The following TMEM132D variants were observed in gnomAD, a reference collection of about 807,000 sequenced individuals.
TMEM132D encodes mature OL transmembrane protein.
A neutral mutation model predicts 62.3 loss-of-function variants in TMEM132D; 21 were observed. The ratio of observed to expected loss-of-function variants is 0.34; its 90% CI spans 0.24 to 0.49. TMEM132D has a LOEUF of 0.49. TMEM132D is among the 20% of genes least tolerant of loss of function. TMEM132D has a pLI of 0.99. For missense variants in TMEM132D, 1,346 were observed against 1,402.8 expected (o/e 0.96, Z 0.65); for synonymous variants, 621 against 575.6 (o/e 1.08, Z -1.13).
At chr12:129,883,021 G>C (rs1874647862) in intron 1 of TMEM132D, among the ~76,000 whole-genome samples, 3 of 152,210 alleles carry the variant, frequency 2.0e-5, no homozygotes, top group African/African-American at 7.2e-5. Context: ...TGGGGACCCT[G>C]GCCAGTGCAA....
chr12:129,307,942 C>G (rs905921733), intron 4 of TMEM132D, among the ~76,000 whole-genome samples: 1 of 152,216 alleles, frequency 6.6e-6, no homozygotes, highest in African/African-American at 2.4e-5. Context: ...AGTCTAGACA[C>G]CATCTCCAAA....
At chr12:129,702,667 G>T (rs1881412194) in intron 1 of TMEM132D, among the ~76,000 whole-genome samples, 1 of 152,160 alleles carries the variant, frequency 6.6e-6, no homozygotes, top group Admixed American at 6.5e-5. Flanking sequence ...GTTATGCTTT[G>T]CTGTGATTCT....
intron 3 of TMEM132D, among the ~76,000 whole-genome samples, chr12:129,381,135 T>C (rs892199699): frequency 6.6e-6 from 1 of 152,212 alleles, no homozygotes; most frequent in African/African-American, 2.4e-5. Flanking sequence ...AGGATAGGGA[T>C]AAAAATCCAG....
In TMEM132D at chr12:129,726,254, C is replaced by T. The variant is rs543312843; in HGVS notation, c.80-25556G>A. On this transcript the variant is annotated intron_variant, in intron 1 of 8. Transcript: ENST00000422113. ...CTGTAATAAATCACAGCCATGAGTACGGCCCCAGGAGTCCTTCCAATGAAT... is the reference window on the plus strand; with the variant it reads ...CTGTAATAAATCACAGCCATGAGTATGGCCCCAGGAGTCCTTCCAATGAAT... Among the ~76,000 whole-genome samples the T allele has an allele frequency of 4.3e-4, 65 of 152,286 alleles. 1 individual carries two copies. Among genetic ancestry groups the T allele is most frequent in the Non-Finnish European group, 4.3e-4 (29 of 68,028 alleles).
At chr12:129,582,148 C>T (rs1372267787) in intron 2 of TMEM132D, among the ~76,000 whole-genome samples, 5 of 152,360 alleles carry the variant, frequency 3.3e-5, no homozygotes, top group Admixed American at 2.6e-4. Context: ...CAATGACTTA[C>T]ACATCACAGT....
chr12:129,517,823 G>A (rs1875727623), intron 3 of TMEM132D, among the ~76,000 whole-genome samples: 1 of 152,136 alleles, frequency 6.6e-6, no homozygotes, highest in South Asian at 2.1e-4. Flanking sequence ...AAGGAACAAG[G>A]AGAAATTATG....
intron 5 of TMEM132D, among the ~76,000 whole-genome samples, chr12:129,124,074 C>T (rs1170644237): frequency 6.6e-6 from 1 of 152,174 alleles, no homozygotes; most frequent in Non-Finnish European, 1.5e-5. Context: ...TTCTGCTTCT[C>T]TGGAGAACCC....
At position 129,847,580 on chromosome 12, in the gene TMEM132D, G is replaced by A. The variant is rs144753857; in HGVS notation, c.79+55681C>T. ...AGGCATCAGCTCAAAAGGCATTTCC[G>A]AATATTAGGAACACTGACTGCATTT... On this transcript the variant is annotated intron_variant, in intron 1 of 8. Transcript: ENST00000422113. Among the ~76,000 whole-genome samples, 668 of 152,190 alleles carry A rather than the reference G, an allele frequency of 4.4e-3. 6 individuals are homozygous for A. The highest frequency in any genetic ancestry group is 0.016 in the African/African-American group (646 of 41,510).
At chr12:129,467,701 ACT>A (rs1566079314) in intron 3 of TMEM132D, among the ~76,000 whole-genome samples, 1 of 152,066 alleles carries the variant, frequency 6.6e-6, no homozygotes, top group African/African-American at 2.4e-5. Context: ...ATGTGGGGAC[ACT>A]CTGTGTGGGA....
At chr12:129,542,643 C>T (rs1876614068) in intron 2 of TMEM132D, among the ~76,000 whole-genome samples, 1 of 152,028 alleles carries the variant, frequency 6.6e-6, no homozygotes, top group African/African-American at 2.4e-5. Context: ...AATATATGTA[C>T]ACCAATGACA....
intron 5 of TMEM132D, among the ~76,000 whole-genome samples, chr12:129,175,140 G>T (rs1404959917): frequency 1.3e-5 from 2 of 152,148 alleles, no homozygotes; most frequent in Non-Finnish European, 2.9e-5. Flanking sequence ...TTGTCATGAA[G>T]TCTTTGTCCA....
At chr12:129,301,654 T>C (rs1593329125) in intron 4 of TMEM132D, among the ~76,000 whole-genome samples, 1 of 152,196 alleles carries the variant, frequency 6.6e-6, no homozygotes. Flanking sequence ...CTAACATTTA[T>C]TGAGTACCCA....
intron 5 of TMEM132D, among the ~76,000 whole-genome samples, chr12:129,153,199 T>C (rs562762464): frequency 1.3e-5 from 2 of 151,398 alleles, no homozygotes; most frequent in South Asian, 4.3e-4. Context: ...TCCACACACC[T>C]ATTTTGTGTG....
chr12:129,592,900 T>C (rs1265160955), intron 2 of TMEM132D, among the ~76,000 whole-genome samples: 1 of 152,164 alleles, frequency 6.6e-6, no homozygotes, highest in Non-Finnish European at 1.5e-5. Flanking sequence ...AAAACCTCTG[T>C]AGTTTGTAAT....
At chr12:129,665,575 A>G (rs1409099916) in intron 2 of TMEM132D, among the ~76,000 whole-genome samples, 1 of 152,098 alleles carries the variant, frequency 6.6e-6, no homozygotes, top group African/African-American at 2.4e-5. Context: ...GACCTCTTTC[A>G]TACATGGAGT....
intron 3 of TMEM132D, among the ~76,000 whole-genome samples, chr12:129,449,198 G>C (rs117752074): frequency 6.6e-6 from 1 of 152,200 alleles, no homozygotes. Flanking sequence ...AGCAGTCACC[G>C]CATCAGTGTT....
In TMEM132D at chr12:129,882,476, G is replaced by C. The variant is rs142274931; in HGVS notation, c.79+20785C>G. ...TAGTCCAGTATTTGAAAATAAATCA[G>C]TGTAATCCACCACGTCATCCAGCTT... On this transcript the variant is annotated intron_variant, in intron 1 of 8. Transcript: ENST00000422113. Among the ~76,000 whole-genome samples the C allele has an allele frequency of 3.3e-5, 5 of 152,244 alleles. No individual in the cohort carries two copies. In the East Asian group the frequency reaches 7.7e-4, roughly 24 times the overall value.
At position 129,138,550 on chromosome 12, in the gene TMEM132D, G is replaced by A. The variant is rs554593841; in HGVS notation, c.1444-53848C>T. 1.5e-4 allele frequency among the ~76,000 whole-genome samples: 23 copies of A among 152,056 alleles called. No homozygotes were observed. The South Asian group carries it at 4.2e-3, about 28-fold the overall frequency. On this transcript the variant is annotated intron_variant, in intron 5 of 8. Transcript: ENST00000422113. ...CTGGCCAATATGGTGAAGAAACCCCGTCTCTACTAAAAATACAAAAATTAG... is the reference window on the plus strand; with the variant it reads ...CTGGCCAATATGGTGAAGAAACCCCATCTCTACTAAAAATACAAAAATTAG...
intron 1 of TMEM132D, among the ~76,000 whole-genome samples, chr12:129,755,464 T>C (rs1043846527): frequency 6.6e-6 from 1 of 152,180 alleles, no homozygotes; most frequent in Non-Finnish European, 1.5e-5. Context: ...TGGCTGCCCT[T>C]AGACTATCAG....
Sources: allele counts gnomAD v4.1 joint callset (sites outside exome capture counted in the v4.1 genomes callset), GRCh38; gene constraint gnomAD v4.1.1; transcripts MANE v1.5; gene names NCBI Gene and HGNC (gene_info 2026-07-23, HGNC 2026-07-21).